FAM149B1: variants seen among roughly 807,000 people sequenced by gnomAD.
FAM149B1 encodes family with sequence similarity 149 member B1.
A neutral mutation model predicts 75.3 loss-of-function variants in FAM149B1; 56 were observed. That is an observed-to-expected ratio of 0.74 (90% confidence interval 0.60 to 0.93). The LOEUF is 0.93. Among genes scored for constraint, FAM149B1 ranks in the 40% least tolerant of loss-of-function variants. FAM149B1 has a pLI of 0.00. For synonymous variants in FAM149B1, 259 were observed against 256.1 expected (o/e 1.01, Z -0.11); for missense variants, 639 against 708.4 (o/e 0.90, Z 1.11).
At chr10:73,176,851 A>G (rs1410341310) in intron 2 of FAM149B1, among the ~76,000 whole-genome samples, 1 of 152,084 alleles carries the variant, frequency 6.6e-6, no homozygotes, top group East Asian at 1.9e-4. Context: ...ACATGGCAAA[A>G]CCCCGTCTCT....
At chr10:73,226,511 A>AAGAT (rs908382562) in intron 7 of FAM149B1, among the ~76,000 whole-genome samples, 48 of 152,302 alleles carry the variant, frequency 3.2e-4, no homozygotes, top group African/African-American at 9.1e-4. Flanking sequence ...TCTCAAAAAA[A>AAGAT]AGATACAGAC....
chr10:73,217,430 A>G lies in FAM149B1; in HGVS notation c.898+6992A>G, dbSNP rs2043322063. On this transcript the variant is annotated intron_variant, in intron 7 of 13. Transcript: ENST00000242505. ...AGTGGCTTCAAACAACATACCTCAC[A>G]TATTTGTGAGTCTGAAGTCCAGGAA... is the stretch of plus-strand genomic sequence containing the variant. Among the ~76,000 whole-genome samples the G allele has an allele frequency of 1.3e-5, 2 of 152,200 alleles. 1 individual carries two copies. Among genetic ancestry groups the G allele is most frequent in the South Asian group, 4.1e-4 (2 of 4,830 alleles).
chr10:73,177,811 CT>C (rs1421185977), intron 2 of FAM149B1, 34 bp from the exon 3 acceptor site: 8 of 1,530,400 alleles, frequency 5.2e-6, no homozygotes, highest in African/African-American at 1.7e-5. Context: ...GAAAAATTTT[CT>C]TTTTTCTCTC....
At chr10:73,230,791 C>T in intron 9 of FAM149B1, 1 of 302,566 alleles carries the variant, frequency 3.3e-6, no homozygotes, top group South Asian at 4.4e-5. Flanking sequence ...AGAATGAGTG[C>T]TATGACAGCC....
chr10:73,180,880 A>G (rs2042379375), intron 3 of FAM149B1, among the ~76,000 whole-genome samples: 1 of 151,730 alleles, frequency 6.6e-6, no homozygotes, highest in African/African-American at 2.4e-5. Flanking sequence ...GTACCCAATA[A>G]CCACCCCATC....
intron 3 of FAM149B1, among the ~76,000 whole-genome samples, chr10:73,190,180 A>G (rs1393223514): frequency 6.6e-6 from 1 of 152,152 alleles, no homozygotes; most frequent in Non-Finnish European, 1.5e-5. Flanking sequence ...AAACTGCAAT[A>G]TATTTCTAAC....
chr10:73,243,343 A>G lies in FAM149B1; in HGVS notation c.*2324A>G. On this transcript the variant is annotated 3_prime_UTR_variant, in exon 14 of 14. Transcript: ENST00000242505. ...ACTTTTGCCTTCAAATCCTGCCTGCACCTTGCCTACGATGGCATCAATTTA... is the reference window on the plus strand; with the variant it reads ...ACTTTTGCCTTCAAATCCTGCCTGCGCCTTGCCTACGATGGCATCAATTTA... The G allele has an allele frequency of 1.9e-6, 3 of 1,600,714 alleles. No homozygotes were observed. The highest frequency in any genetic ancestry group is 2.6e-6 in the Non-Finnish European group (3 of 1,174,266).
chr10:73,243,366 T>C lies in FAM149B1; in HGVS notation c.*2347T>C. ...GCACCTTGCCTACGATGGCATCAAT[T>C]TACACCTAAGGACCTTTGAAGAGAA... On this transcript the variant is annotated 3_prime_UTR_variant, in exon 14 of 14. Transcript: ENST00000242505. 6.2e-7 allele frequency: 1 copy of C among 1,610,452 alleles called. No individual in the cohort carries two copies. Among genetic ancestry groups the C allele is most frequent in the Non-Finnish European group, 8.5e-7 (1 of 1,179,390 alleles).
chr10:73,213,224 A>C (rs1412173389), intron 7 of FAM149B1, among the ~76,000 whole-genome samples: 1 of 152,076 alleles, frequency 6.6e-6, no homozygotes, highest in Non-Finnish European at 1.5e-5. Flanking sequence ...TAGATTCTGG[A>C]TATTAGTCCT....
chr10:73,193,544 G>A lies in FAM149B1; in HGVS notation c.493G>A (p.Val165Ile). 6.4e-7 allele frequency: 1 copy of A among 1,550,912 alleles called. No homozygotes were observed. The highest frequency in any genetic ancestry group is 8.7e-7 in the Non-Finnish European group (1 of 1,146,642). Reference sequence around the variant, plus strand: ...ATTGTATCCTAGATCCCCTTCTGCTGTTTCCGCTTCATATGAAACAACCTT... The same window carrying A: ...ATTGTATCCTAGATCCCCTTCTGCTATTTCCGCTTCATATGAAACAACCTT... ...YRLYPRSPSAVSASYETTLSQ... is the reference protein window; with the variant it reads ...YRLYPRSPSAISASYETTLSQ... Residue 165 changes from valine (V) to isoleucine (I), a missense_variant, in exon 5 of 14, where the codon GTT becomes ATT. Val to Ile is a conservative substitution (Grantham distance 29). Coordinates refer to ENST00000242505, the MANE Select transcript of FAM149B1 (RefSeq NM_173348.2).
At chr10:73,174,040 C>T (rs1843832490) in intron 1 of FAM149B1, among the ~76,000 whole-genome samples, 1 of 152,046 alleles carries the variant, frequency 6.6e-6, no homozygotes, top group African/African-American at 2.4e-5. Context: ...AATAATATTT[C>T]ATTATGTGGA....
chr10:73,228,578 T>C (rs2043611214), intron 8 of FAM149B1, among the ~76,000 whole-genome samples: 1 of 151,960 alleles, frequency 6.6e-6, no homozygotes, highest in Non-Finnish European at 1.5e-5. Flanking sequence ...TTCTCTCAAC[T>C]TGGCCCACCC....
intron 13 of FAM149B1, among the ~76,000 whole-genome samples, chr10:73,240,438 C>T (rs56195322): frequency 0.013 from 2,028 of 152,244 alleles, 24 homozygotes; most frequent in Middle Eastern, 0.037. Context: ...ACTGGCTGGG[C>T]GTGGTGGCTC....
At chr10:73,205,348 A>G (rs937743931) in intron 5 of FAM149B1, among the ~76,000 whole-genome samples, 1 of 147,612 alleles carries the variant, frequency 6.8e-6, no homozygotes, top group Non-Finnish European at 1.5e-5. Context: ...ACACACACAC[A>G]CTCTGTCTTT....
chr10:73,214,431 A>G (rs958525088), intron 7 of FAM149B1, among the ~76,000 whole-genome samples: 4 of 152,072 alleles, frequency 2.6e-5, no homozygotes, highest in African/African-American at 9.7e-5. Context: ...AATGCTAGCT[A>G]TGGGTTTGTT....
intron 5 of FAM149B1, among the ~76,000 whole-genome samples, chr10:73,196,519 C>A (rs2042809886): frequency 6.6e-6 from 1 of 152,096 alleles, no homozygotes; most frequent in South Asian, 2.1e-4. Flanking sequence ...TCATTTTGAT[C>A]TTACAGTTTA....
chr10:73,227,260 A>AT (rs1473280992), intron 7 of FAM149B1, among the ~76,000 whole-genome samples: 1 of 151,104 alleles, frequency 6.6e-6, no homozygotes, highest in Non-Finnish European at 1.5e-5. Flanking sequence ...GCTAATTTTA[A>AT]TTTTTTTTGT....
intron 1 of FAM149B1, 69 bp downstream of exon 1, chr10:73,168,455 T>G: frequency 6.6e-7 from 1 of 1,512,830 alleles, no homozygotes; most frequent in South Asian, 1.2e-5. Flanking sequence ...CCTTGACCAG[T>G]CCTTCGTTCC....
chr10:73,235,169 C>T, intron 11 of FAM149B1, 24 bp from the exon 12 acceptor site: 1 of 1,550,876 alleles, frequency 6.4e-7, no homozygotes, highest in Non-Finnish European at 8.7e-7. Context: ...TTCACTGTTT[C>T]TGTAACTTTT....
Sources: allele counts gnomAD v4.1 joint callset (sites outside exome capture counted in the v4.1 genomes callset), GRCh38; gene constraint gnomAD v4.1.1; transcripts MANE v1.5; gene names NCBI Gene and HGNC (gene_info 2026-07-23, HGNC 2026-07-21).